The following SOX5 variants were observed in gnomAD, a reference collection of about 807,000 sequenced individuals.
SOX5 encodes transcription factor SOX-5.
Under a neutral mutation model 92.0 loss-of-function variants are expected in SOX5, and 9 were observed. The observed-to-expected ratio is 0.10, with a 90% CI of 0.06 to 0.17. The LOEUF is 0.17. SOX5 is among the 10% of genes least tolerant of loss of function. The probability of loss-of-function intolerance (pLI) is 1.00; values close to 1 mark genes in which losing one functional copy is unlikely to be tolerated. For synonymous variants in SOX5, 344 were observed against 336.3 expected (o/e 1.02, Z -0.25); for missense variants, 642 against 944.5 (o/e 0.68, Z 4.20).
At chr12:23,807,362 AGTGG>A (rs2142319448) in intron 3 of SOX5, among the ~76,000 whole-genome samples, 1 of 152,288 alleles carries the variant, frequency 6.6e-6, no homozygotes, top group African/African-American at 2.4e-5. Flanking sequence ...AGGTCATTAG[AGTGG>A]GTCCTATGGG....
chr12:23,845,880 A>G (rs945886328), intron 3 of SOX5, 103 bp downstream of exon 3: 1 of 964,480 alleles, frequency 1.0e-6, no homozygotes, highest in Non-Finnish European at 1.6e-6. Flanking sequence ...ATCTTGCCCA[A>G]TTTAACTTTA....
At chr12:24,232,278 T>C (rs916796139) in intron 3 of SOX5, among the ~76,000 whole-genome samples, 1 of 152,228 alleles carries the variant, frequency 6.6e-6, no homozygotes, top group Non-Finnish European at 1.5e-5. Flanking sequence ...TATACTTTGC[T>C]AACCTTTCAG....
At chr12:24,290,471 C>G (rs191019655) in intron 2 of SOX5, among the ~76,000 whole-genome samples, 2 of 152,154 alleles carry the variant, frequency 1.3e-5, no homozygotes, top group Non-Finnish European at 2.9e-5. Context: ...ACTGATGAGG[C>G]GGCCATTATT....
chr12:24,277,470 A>C (rs1944582551), intron 2 of SOX5, among the ~76,000 whole-genome samples: 1 of 64,116 alleles, frequency 1.6e-5, no homozygotes. Context: ...ATTTACATTT[A>C]AATATATAAA....
chr12:24,427,689 C>A (rs1352511066), intron 1 of SOX5, among the ~76,000 whole-genome samples: 2 of 152,186 alleles, frequency 1.3e-5, no homozygotes, highest in Admixed American at 1.3e-4. Context: ...TTTTCAACTA[C>A]AGAATCATCT....
chr12:24,500,205 A>G (rs1948063200), intron 1 of SOX5, among the ~76,000 whole-genome samples: 1 of 152,212 alleles, frequency 6.6e-6, no homozygotes, highest in South Asian at 2.1e-4. Context: ...AGTCATATAA[A>G]TTTTCAAAAT....
At chr12:24,157,558 G>T (rs898939449) in intron 4 of SOX5, among the ~76,000 whole-genome samples, 2 of 152,006 alleles carry the variant, frequency 1.3e-5, no homozygotes, top group Non-Finnish European at 2.9e-5. Context: ...TACCTAAATG[G>T]GATTTGGTTG....
chr12:24,249,631 C>T (rs1356631083), intron 3 of SOX5, among the ~76,000 whole-genome samples: 2 of 152,162 alleles, frequency 1.3e-5, no homozygotes, highest in Admixed American at 6.5e-5. Context: ...AGTTCACATA[C>T]GTTGCCTCAC....
At chr12:24,202,488 C>G (rs74068440) in intron 4 of SOX5, among the ~76,000 whole-genome samples, 1 of 152,278 alleles carries the variant, frequency 6.6e-6, no homozygotes, top group African/African-American at 2.4e-5. Context: ...AACATTGATA[C>G]ATTCATACAT....
chr12:23,985,764 C>T (rs543933101), intron 4 of SOX5, among the ~76,000 whole-genome samples: 2 of 151,746 alleles, frequency 1.3e-5, no homozygotes, highest in South Asian at 2.1e-4. Flanking sequence ...ACCACAGAAA[C>T]GTATTATCTT....
intron 8 of SOX5, among the ~76,000 whole-genome samples, chr12:23,616,534 A>G (rs1376070219): frequency 6.6e-6 from 1 of 152,238 alleles, no homozygotes; most frequent in Non-Finnish European, 1.5e-5. Flanking sequence ...CGGGAGGAGC[A>G]ACTTCACATA....
chr12:24,004,222 AT>A (rs976462197), intron 4 of SOX5, among the ~76,000 whole-genome samples: 7 of 152,024 alleles, frequency 4.6e-5, no homozygotes, highest in Admixed American at 2.6e-4. Flanking sequence ...AAAAAAAAAA[AT>A]CTTCCTGGTC....
intron 1 of SOX5, among the ~76,000 whole-genome samples, chr12:24,415,569 T>G (rs563660545): frequency 6.6e-5 from 10 of 152,196 alleles, no homozygotes; most frequent in Admixed American, 6.5e-5. Flanking sequence ...AACATACCAA[T>G]TTGTGAGTTA....
intron 2 of SOX5, among the ~76,000 whole-genome samples, chr12:24,336,353 A>G (rs1951903169): frequency 6.6e-6 from 1 of 152,110 alleles, no homozygotes; most frequent in Non-Finnish European, 1.5e-5. Context: ...TTGGCCTCCC[A>G]AAGTGCTGGG....
At chr12:23,797,816 G>A (rs2095592262) in intron 3 of SOX5, among the ~76,000 whole-genome samples, 1 of 152,016 alleles carries the variant, frequency 6.6e-6, no homozygotes, top group African/African-American at 2.4e-5. Flanking sequence ...ACTGTACAAT[G>A]TAGCCTCTCT....
chr12:24,012,591 C>T (rs1265068338), intron 4 of SOX5, among the ~76,000 whole-genome samples: 4 of 152,170 alleles, frequency 2.6e-5, no homozygotes, highest in African/African-American at 9.7e-5. Context: ...CTGTAGCCTA[C>T]AAATCTAGGC....
At chr12:23,554,671 C>T (rs1349310151) in intron 11 of SOX5, among the ~76,000 whole-genome samples, 1 of 152,110 alleles carries the variant, frequency 6.6e-6, no homozygotes. Context: ...AGCTGTTATA[C>T]TCCTATGACA....
chr12:24,298,054 A>T (rs1395737359), intron 2 of SOX5, among the ~76,000 whole-genome samples: 1 of 152,042 alleles, frequency 6.6e-6, no homozygotes, highest in African/African-American at 2.4e-5. Context: ...TTATGTTCTT[A>T]TTCCCCAAAA....
rs564594335 is a variant in SOX5 at position 24,136,416 on chromosome 12, A to G, written c.-2+76927T>C. ...TTGTTTTCAGACAAAGAAGGACAGT[A>G]TCTTATGGTGAAAGCCGGGTTTAAG... is the stretch of plus-strand genomic sequence containing the variant. On this transcript the variant is annotated intron_variant, in intron 4 of 4. Coordinates refer to the SOX5 transcript ENST00000446891. 6.2e-4 allele frequency among the ~76,000 whole-genome samples: 94 copies of G among 152,372 alleles called. 1 individual carries two copies. The highest frequency in any genetic ancestry group is 1.1e-3 in the Non-Finnish European group (72 of 68,030).
Sources: allele counts gnomAD v4.1 joint callset (sites outside exome capture counted in the v4.1 genomes callset), GRCh38; gene constraint gnomAD v4.1.1; transcripts MANE v1.5; gene names NCBI Gene and HGNC (gene_info 2026-07-23, HGNC 2026-07-21).